Variants in TANC2 observed in about 807,000 individuals in gnomAD.
TANC2 encodes tetratricopeptide repeat, ankyrin repeat and coiled-coil containing 2, also known as protein TANC2.
TANC2 carries 26 observed loss-of-function variants against 210.5 expected under a neutral mutation model. The observed-to-expected ratio is 0.12, with a 90% CI of 0.09 to 0.17. The LOEUF is 0.17. TANC2 is among the 10% of genes least tolerant of loss of function. TANC2 has a pLI of 1.00. For missense variants in TANC2, 2,129 were observed against 2,608.9 expected (o/e 0.82, Z 4.01); for synonymous variants, 931 against 967.1 (o/e 0.96, Z 0.69).
intron 4 of TANC2, among the ~76,000 whole-genome samples, chr17:63,104,500 C>T (rs2037749538): frequency 6.6e-6 from 1 of 152,066 alleles, no homozygotes; most frequent in South Asian, 2.1e-4. Context: ...GGCACATAAT[C>T]CTTAATACAC....
intron 3 of TANC2, among the ~76,000 whole-genome samples, chr17:63,091,921 C>T (rs940157327): frequency 1.3e-5 from 2 of 152,102 alleles, no homozygotes; most frequent in Non-Finnish European, 2.9e-5. Flanking sequence ...TTGAAGAGCT[C>T]CTTCATATCC....
At chr17:62,991,884 G>A in intron 1 of TANC2, among the ~76,000 whole-genome samples, 1 of 152,084 alleles carries the variant, frequency 6.6e-6, no homozygotes, top group East Asian at 1.9e-4. Flanking sequence ...TTAATGTCTG[G>A]ATGGGTGGAG....
chr17:63,326,191 C>A (rs1264923654), intron 11 of TANC2, among the ~76,000 whole-genome samples: 1 of 151,996 alleles, frequency 6.6e-6, no homozygotes, highest in Non-Finnish European at 1.5e-5. Context: ...TGTGAATAGA[C>A]AAGTGGAATA....
At chr17:63,271,436 CTT>C (rs58847076) in intron 9 of TANC2, among the ~76,000 whole-genome samples, 37 of 141,796 alleles carry the variant, frequency 2.6e-4, no homozygotes, top group Admixed American at 2.8e-4. Context: ...AGCTCTTTTT[CTT>C]TTTTTTTTTT....
chr17:63,102,467 TTTTA>T (rs890803071), intron 4 of TANC2, among the ~76,000 whole-genome samples: 4 of 151,836 alleles, frequency 2.6e-5, no homozygotes, highest in African/African-American at 7.2e-5. Flanking sequence ...TCCTTTTTAT[TTTTA>T]TTTATTTATT....
intron 1 of TANC2, among the ~76,000 whole-genome samples, chr17:62,996,999 T>TTTTTTTTTTTTTTTTTTTTTTTTG (rs1241944607): frequency 5.6e-5 from 8 of 144,126 alleles, no homozygotes; most frequent in African/African-American, 1.3e-4. Context: ...ATTTTTAGTA[T>TTTTTTTTTTTTTTTTTTTTTTTTG]AGATGGGGTT....
At chr17:63,019,537 A>G (rs1245710549) in intron 2 of TANC2, among the ~76,000 whole-genome samples, 2 of 152,104 alleles carry the variant, frequency 1.3e-5, no homozygotes, top group African/African-American at 4.8e-5. Context: ...CTATTTTGAT[A>G]GGTATATAGA....
chr17:63,120,839 A>C (rs963076007), intron 4 of TANC2: 2 of 150,280 alleles, frequency 1.3e-5, no homozygotes, highest in Non-Finnish European at 3.0e-5. Flanking sequence ...AAAAAAAAAA[A>C]AACTATTCAA....
At chr17:63,282,691 C>A (rs1053140808) in intron 9 of TANC2, among the ~76,000 whole-genome samples, 2 of 152,058 alleles carry the variant, frequency 1.3e-5, no homozygotes, top group East Asian at 3.9e-4. Flanking sequence ...CTTGTTGGTA[C>A]ACAGCGTGGT....
rs142087773 is a variant in TANC2, at chr17:63,317,456, A to AAC, written c.1442-1487_1442-1486dup. Among the ~76,000 whole-genome samples the AAC allele has an allele frequency of 1.0e-3, 152 of 151,552 alleles. 3 individuals carry two copies. In the Middle Eastern group the frequency reaches 0.024, roughly 24 times the overall value. ...CACCACCACCATTATCCACACCCCC[A>AAC]ACACACACACACACAAAGAACAAAA... On this transcript the variant is annotated intron_variant, in intron 10 of 27. Coordinates refer to ENST00000689528, the Ensembl canonical transcript of TANC2.
At chr17:63,038,306 A>G (rs1211583315) in intron 2 of TANC2, among the ~76,000 whole-genome samples, 1 of 152,200 alleles carries the variant, frequency 6.6e-6, no homozygotes, top group Non-Finnish European at 1.5e-5. Flanking sequence ...AACCGTTAGT[A>G]TGGTAGATTG....
chr17:63,034,332 A>G (rs1418226189), intron 2 of TANC2, among the ~76,000 whole-genome samples: 1 of 152,196 alleles, frequency 6.6e-6, no homozygotes, highest in Non-Finnish European at 1.5e-5. Flanking sequence ...CCTGGATGAC[A>G]GCATGTCTGT....
intron 1 of TANC2, among the ~76,000 whole-genome samples, chr17:62,983,211 A>G (rs2032392370): frequency 6.6e-6 from 1 of 152,136 alleles, no homozygotes; most frequent in African/African-American, 2.4e-5. Context: ...TGTAGCTATT[A>G]TAAATCGAAT....
At chr17:63,362,927 T>G (rs2047008336) in intron 14 of TANC2, among the ~76,000 whole-genome samples, 1 of 151,986 alleles carries the variant, frequency 6.6e-6, no homozygotes, top group African/African-American at 2.4e-5. Context: ...CTATTTATAG[T>G]TTTTTTTAGG....
intron 2 of TANC2, among the ~76,000 whole-genome samples, chr17:63,030,173 A>G (rs2034712138): frequency 6.6e-6 from 1 of 152,126 alleles, no homozygotes; most frequent in Non-Finnish European, 1.5e-5. Flanking sequence ...GGAAATATGA[A>G]CTTTATGTTA....
At chr17:63,076,763 AG>A (rs1246687971) in intron 3 of TANC2, among the ~76,000 whole-genome samples, 1 of 152,200 alleles carries the variant, frequency 6.6e-6, no homozygotes, top group Non-Finnish European at 1.5e-5. Flanking sequence ...ACTTTAAAAA[AG>A]GCTCTTAGGC....
rs1200913336 is a variant in TANC2, at chr17:63,420,411, C to T, written c.4681C>T (p.Pro1561Ser). ...CCGGTCCAGTAGTTCTGTAGGCTCT[C>T]CCACTAGACAGACCTATCAGTCCAC... Residue 1561 changes from proline (P) to serine (S), a missense_variant, in exon 28 of 28, where the codon CCC (proline) becomes TCC (serine). Pro to Ser is a moderately conservative substitution (Grantham distance 74). This residue lies in a region of TANC2 where 584 missense variants were observed against 627.3 expected (regional missense o/e 0.93). Transcript: ENST00000689528. This position sits in a 1 kb window ranked among gnomAD's most constrained non-coding sequence, Gnocchi z 4.2. The T allele has an allele frequency of 1.9e-6, 3 of 1,613,836 alleles. No individual in the cohort carries two copies. Among genetic ancestry groups the T allele is most frequent in the African/African-American group, 2.7e-5 (2 of 74,894 alleles).
intron 4 of TANC2, among the ~76,000 whole-genome samples, chr17:63,104,551 T>C (rs1289894458): frequency 6.6e-6 from 1 of 152,192 alleles, no homozygotes; most frequent in Non-Finnish European, 1.5e-5. Context: ...ATAAGCTTGA[T>C]CAGATTTGAA....
At chr17:63,198,823 A>G (rs1244796417) in intron 6 of TANC2, among the ~76,000 whole-genome samples, 1 of 152,202 alleles carries the variant, frequency 6.6e-6, no homozygotes, top group Non-Finnish European at 1.5e-5. Context: ...CCAGCATCAT[A>G]TTATAAAAAT....
Sources: allele counts gnomAD v4.1 joint callset (sites outside exome capture counted in the v4.1 genomes callset), GRCh38; gene constraint gnomAD v4.1.1; regional missense constraint gnomAD v4.1.1; non-coding constraint Gnocchi (gnomAD v3.1); transcripts MANE v1.5; gene names NCBI Gene and HGNC (gene_info 2026-07-23, HGNC 2026-07-21).